ADSS2: variants seen among roughly 807,000 people sequenced by gnomAD.
The protein encoded by ADSS2 is adenylosuccinate synthase 2.
Under a neutral mutation model 60.0 loss-of-function variants are expected in ADSS2, and 30 were observed. The observed-to-expected ratio is 0.50, with a 90% CI of 0.37 to 0.68. The LOEUF (loss-of-function observed/expected upper bound fraction) is 0.68, where lower values mean the gene tolerates loss of function less well. Among genes scored for constraint, ADSS2 ranks in the 30% least tolerant of loss-of-function variants. The probability of loss-of-function intolerance (pLI) is 0.00; values close to 1 mark genes in which losing one functional copy is unlikely to be tolerated. For missense variants in ADSS2, 373 were observed against 554.8 expected (o/e 0.67, Z 3.29); for synonymous variants, 187 against 193.1 (o/e 0.97, Z 0.26).
chr1:244,411,619 T>C (rs1205281428), intron 11 of ADSS2, among the ~76,000 whole-genome samples, 183 bp from the exon 12 acceptor site: 1 of 152,238 alleles, frequency 6.6e-6, no homozygotes, highest in Non-Finnish European at 1.5e-5. Flanking sequence ...TAGTATTCTA[T>C]AATCAAACAT....
At chr1:244,420,048 T>A in intron 8 of ADSS2, 122 bp downstream of exon 8, 1 of 1,041,242 alleles carries the variant, frequency 9.6e-7, no homozygotes, top group Non-Finnish European at 1.4e-6. Flanking sequence ...AATTTCATCA[T>A]TCCTGAATAT....
chr1:244,433,623 C>T lies in ADSS2; in HGVS notation c.356-1028G>A, dbSNP rs183557512. Among the ~76,000 whole-genome samples, 358 of 152,142 alleles carry T rather than the reference C, an allele frequency of 2.4e-3. 4 individuals are homozygous for T. Among genetic ancestry groups the T allele is most frequent in the African/African-American group, 8.4e-3 (348 of 41,514 alleles). ...CTGTAATCCCAGCACTTTGGGAGGC[C>T]AAGGCGGGCGGATCACCTGAGGTCA... is the stretch of plus-strand genomic sequence containing the variant. On this transcript the variant is annotated intron_variant, in intron 3 of 12. Coordinates refer to ENST00000366535, the MANE Select transcript of ADSS2 (RefSeq NM_001126.5).
At chr1:244,414,301 A>G (rs766180782) in intron 11 of ADSS2, among the ~76,000 whole-genome samples, 7 of 152,242 alleles carry the variant, frequency 4.6e-5, no homozygotes, top group Non-Finnish European at 8.8e-5. Context: ...TAACAGAAAA[A>G]AAGTAGCTAA....
chr1:244,412,608 T>C (rs1272669829), intron 11 of ADSS2, among the ~76,000 whole-genome samples: 3 of 152,186 alleles, frequency 2.0e-5, no homozygotes, highest in Non-Finnish European at 2.9e-5. Context: ...TGGCAGAACT[T>C]AGACAAAATT....
At chr1:244,417,806 G>A in intron 9 of ADSS2, 54 bp from the exon 10 acceptor site, 1 of 1,546,110 alleles carries the variant, frequency 6.5e-7, no homozygotes. Flanking sequence ...TATATATCTG[G>A]TGGAATAATA....
chr1:244,450,616 A>C (rs770399348), intron 1 of ADSS2, among the ~76,000 whole-genome samples: 8 of 152,238 alleles, frequency 5.3e-5, no homozygotes, highest in Non-Finnish European at 8.8e-5. Context: ...AACAGATAGC[A>C]GTTAACTTCA....
chr1:244,431,368 T>C (rs1444559389), intron 4 of ADSS2, among the ~76,000 whole-genome samples: 1 of 152,222 alleles, frequency 6.6e-6, no homozygotes, highest in Non-Finnish European at 1.5e-5. Context: ...TCCTTTGTTT[T>C]TTGTCTTGGT....
chr1:244,424,473 A>C (rs1664751190), intron 4 of ADSS2, 86 bp from the exon 5 acceptor site: 1 of 1,083,406 alleles, frequency 9.2e-7, no homozygotes, highest in African/African-American at 1.6e-5. Context: ...TGAAGTTATA[A>C]ATCCCTTCAG....
chr1:244,412,240 G>A (rs1397490927), intron 11 of ADSS2, among the ~76,000 whole-genome samples: 4 of 152,214 alleles, frequency 2.6e-5, no homozygotes, highest in Admixed American at 2.0e-4. Flanking sequence ...ATATTGCAGT[G>A]CAATTTCTCC....
intron 4 of ADSS2, among the ~76,000 whole-genome samples, chr1:244,426,280 TA>T (rs1488825569): frequency 6.6e-6 from 1 of 152,162 alleles, no homozygotes; most frequent in East Asian, 1.9e-4. Flanking sequence ...TCAAAGAAAG[TA>T]AAAAAGCAAC....
chr1:244,425,667 T>A (rs1286955794), intron 4 of ADSS2, among the ~76,000 whole-genome samples: 1 of 152,162 alleles, frequency 6.6e-6, no homozygotes, highest in African/African-American at 2.4e-5. Flanking sequence ...CCCCCTGTGT[T>A]TGGCAAGGTT....
At chr1:244,414,542 T>C (rs1664487543) in intron 11 of ADSS2, among the ~76,000 whole-genome samples, 1 of 152,216 alleles carries the variant, frequency 6.6e-6, no homozygotes, top group African/African-American at 2.4e-5. Flanking sequence ...AGCCTTAGCT[T>C]AAAGCTTAAT....
At chr1:244,441,077 T>C (rs1665230302) in intron 1 of ADSS2, among the ~76,000 whole-genome samples, 1 of 151,056 alleles carries the variant, frequency 6.6e-6, no homozygotes, top group Admixed American at 6.6e-5. Context: ...TTTTTTTTTT[T>C]AGACAGAGTC....
At chr1:244,438,071 A>G (rs1665146111) in intron 1 of ADSS2, among the ~76,000 whole-genome samples, 1 of 152,196 alleles carries the variant, frequency 6.6e-6, no homozygotes, top group Admixed American at 6.5e-5. Context: ...ACATAGAGCA[A>G]TTAGTCTGTC....
At chr1:244,433,238 A>C (rs1255876536) in intron 3 of ADSS2, among the ~76,000 whole-genome samples, 2 of 152,268 alleles carry the variant, frequency 1.3e-5, no homozygotes, top group Middle Eastern at 6.8e-3. Flanking sequence ...GCTGTCTCAC[A>C]AAAAAGGAAA....
rs1030216853 is a variant in ADSS2, at chr1:244,411,143, C to T, written c.1318+144G>A. 6 of 761,820 alleles carry T rather than the reference C, an allele frequency of 7.9e-6. No homozygotes were observed. The Admixed American group carries it at 1.3e-4, about 16-fold the overall frequency. The allele number at this position is 761,820 out of a possible 1,614,324, so 47.2% of individuals were successfully genotyped here. On this transcript the variant is annotated intron_variant, in intron 12 of 12. Coordinates refer to ENST00000366535, the MANE Select transcript of ADSS2 (RefSeq NM_001126.5). ...GGCTGAGGTAGGAGAATAGCTTGAA[C>T]CCAGGAGGCAGAGGTTGCAGTGAGC... is the stretch of plus-strand genomic sequence containing the variant.
intron 7 of ADSS2, among the ~76,000 whole-genome samples, chr1:244,421,835 G>A (rs767815126): frequency 3.3e-5 from 5 of 152,064 alleles, no homozygotes; most frequent in Non-Finnish European, 7.4e-5. Context: ...ACCTAGCAGG[G>A]TGTGGTGGTG....
At chr1:244,444,271 T>C (rs978276544) in intron 1 of ADSS2, among the ~76,000 whole-genome samples, 8 of 151,504 alleles carry the variant, frequency 5.3e-5, no homozygotes, top group African/African-American at 1.9e-4. Flanking sequence ...ATCCCAGCAC[T>C]TTGGGAGGCC....
chr1:244,451,692 G>C lies in ADSS2; in HGVS notation c.126C>G (p.Gly42=). ...CCAGCAGGTCCACCACCTTCCCTTTGCCTTCGTCGCCCCACTGCGCACCGA... is the reference window on the plus strand; with the variant it reads ...CCAGCAGGTCCACCACCTTCCCTTTCCCTTCGTCGCCCCACTGCGCACCGA... ...VVLGAQWGDE[G]KGKVVDLLAQ... is the part of the protein sequence containing the mutation. Residue 42 remains glycine (G), a synonymous_variant, in exon 1 of 13, where the codon GGC becomes GGG. Coordinates refer to ENST00000366535, the MANE Select transcript of ADSS2 (RefSeq NM_001126.5). The surrounding 1 kb of genome is among the most constrained non-coding windows in gnomAD (Gnocchi z 6.6). The C allele has an allele frequency of 6.2e-7, 1 of 1,612,592 alleles. No homozygotes were observed. Among genetic ancestry groups the C allele is most frequent in the Non-Finnish European group, 8.5e-7 (1 of 1,179,418 alleles).
Sources: gnomAD v4.1 joint callset for allele counts (sites outside exome capture counted in the v4.1 genomes callset) on GRCh38, gnomAD v4.1.1 for gene constraint, Gnocchi (gnomAD v3.1) non-coding constraint, MANE v1.5 for transcripts, NCBI Gene and HGNC (gene_info 2026-07-23, HGNC 2026-07-21) for gene names.